CREB3L1: variants seen among roughly 807,000 people sequenced by gnomAD.
CREB3L1 encodes cyclic AMP-responsive element-binding protein 3-like protein 1.
Under a neutral mutation model 54.5 loss-of-function variants are expected in CREB3L1, and 33 were observed. The observed-to-expected ratio is 0.61, with a 90% CI of 0.46 to 0.81. The LOEUF is 0.81. Among genes scored for constraint, CREB3L1 ranks in the 30% least tolerant of loss-of-function variants. CREB3L1 has a pLI of 0.00. For missense variants in CREB3L1, 656 were observed against 673.3 expected (o/e 0.97, Z 0.29); for synonymous variants, 284 against 286.4 (o/e 0.99, Z 0.08).
intron 1 of CREB3L1, among the ~76,000 whole-genome samples, chr11:46,291,640 C>G (rs1939132435): frequency 6.6e-6 from 1 of 152,116 alleles, no homozygotes; most frequent in Non-Finnish European, 1.5e-5. Context: ...TCAAGAAGGG[C>G]AAGGGCAAGC....
chr11:46,304,111 T>C (rs1939340776), intron 2 of CREB3L1, among the ~76,000 whole-genome samples: 1 of 152,254 alleles, frequency 6.6e-6, no homozygotes, highest in Admixed American at 6.5e-5. Flanking sequence ...AGTGAATTTC[T>C]TAATTTTCTC....
At position 46,278,459 on chromosome 11, in the gene CREB3L1, C is replaced by A. The variant is rs1432283445; in HGVS notation, c.102+246C>A. Among the ~76,000 whole-genome samples, 1 of 152,220 alleles carries A rather than the reference C, an allele frequency of 6.6e-6. No individual in the cohort carries two copies. The highest frequency in any genetic ancestry group is 2.4e-5 in the African/African-American group (1 of 41,454). On this transcript the variant is annotated intron_variant, in intron 1 of 11. Transcript: ENST00000621158. The surrounding 1 kb of genome is among the most constrained non-coding windows in gnomAD (Gnocchi z 4.2). ...CGAGGTATCGGGTCCGTCCGATCCT[C>A]GGATCTGAGCTCAAGAGACACCAAT...
rs980782395 is a variant in CREB3L1 at position 46,316,477 on chromosome 11, G to A, written c.1131+92G>A. 7.2e-6 allele frequency: 6 copies of A among 833,752 alleles called. 1 individual carries two copies. Among genetic ancestry groups the A allele is most frequent in the Admixed American group, 7.0e-5 (3 of 42,586 alleles). The allele number at this position is 833,752 out of a possible 1,614,324, so 51.6% of individuals were successfully genotyped here. On this transcript the variant is annotated intron_variant, in intron 9 of 11. Transcript: ENST00000621158. ...GGGTTGGGCAGAGCTTTAAGGATCG[G>A]TAACATCGTGGGCAGCGTCCCAGGG...
rs529633529 is a variant in CREB3L1 at position 46,300,068 on chromosome 11, C to T, written c.236C>T (p.Thr79Met). 1.8e-4 allele frequency: 297 copies of T among 1,613,936 alleles called. 1 individual carries two copies. Among genetic ancestry groups the T allele is most frequent in the South Asian group, 1.7e-3 (156 of 91,066 alleles). Residue 79 changes from threonine (T) to methionine (M), a missense_variant, in exon 2 of 12, where the codon ACG becomes ATG. Physicochemically the swap from Thr to Met is moderately conservative, Grantham distance 81 (BLOSUM62 -1). This residue lies in a region of CREB3L1 where 339 missense variants were observed against 331.5 expected (regional missense o/e 1.02). Coordinates refer to ENST00000621158, the MANE Select transcript of CREB3L1 (RefSeq NM_052854.4). Reference sequence around the variant, plus strand: ...TTGGACATGGAACTGGACTCCCCTACGCCAGGCATCCAGGCGGAGCACAGC... The same window carrying T: ...TTGGACATGGAACTGGACTCCCCTATGCCAGGCATCCAGGCGGAGCACAGC... ...PLLDMELDSP[T>M]PGIQAEHSYS...
chr11:46,302,085 G>A (rs543622306), intron 2 of CREB3L1, among the ~76,000 whole-genome samples: 2 of 149,614 alleles, frequency 1.3e-5, no homozygotes, highest in Non-Finnish European at 1.5e-5. Flanking sequence ...AGAGAATGGC[G>A]TGAACCTGGG....
intron 1 of CREB3L1, among the ~76,000 whole-genome samples, chr11:46,287,840 T>C (rs1281698910): frequency 6.6e-6 from 1 of 151,614 alleles, no homozygotes; most frequent in African/African-American, 2.4e-5. Flanking sequence ...GCCGGGCGTG[T>C]TGGTGTGCAC....
chr11:46,291,522 CCATTGAACTG>C (rs1939130017), intron 1 of CREB3L1, among the ~76,000 whole-genome samples: 1 of 152,198 alleles, frequency 6.6e-6, no homozygotes, highest in Non-Finnish European at 1.5e-5. Flanking sequence ...TTGCTTATAA[CCATTGAACTG>C]CTTTGCCTCT....
rs1420803600 is a variant in CREB3L1 at position 46,283,980 on chromosome 11, C to A, written c.102+5767C>A. Among the ~76,000 whole-genome samples, 2 of 152,154 alleles carry A rather than the reference C, an allele frequency of 1.3e-5. 1 individual carries two copies. The highest frequency in any genetic ancestry group is 4.8e-5 in the African/African-American group (2 of 41,438). ...GCCATCCCTTAGGGTGGTGGGGATG[C>A]TGGGTCCCACAGAAGTGCTGTCTGT... On this transcript the variant is annotated intron_variant, in intron 1 of 11. Transcript: ENST00000621158.
Position 46,293,828 on chromosome 11 carries a change from T to G in CREB3L1, c.103-6107T>G, listed in dbSNP as rs1355846281. ...GTGTGACAGCGAGTATGCGTGACCA[T>G]GTCTGTGTGATCCTGTGTCTGGGGT... On this transcript the variant is annotated intron_variant, in intron 1 of 11. Transcript: ENST00000621158. Among the ~76,000 whole-genome samples, 6 of 152,200 alleles carry G rather than the reference T, an allele frequency of 3.9e-5. No individual in the cohort carries two copies. The East Asian group carries it at 1.2e-3, about 29-fold the overall frequency.
chr11:46,320,711 G>T lies in CREB3L1; in HGVS notation c.1525G>T (p.Asp509Tyr). The stretch of plus-strand genomic sequence containing the variant: ...CGCTGGCCTCTCTTCTCTCTCCAGG[G>T]ATCTGGGCCCCAACACCACCATCAA... ...SHSKEWFHDR[D>Y]LGPNTTIKLS The change falls in exon 12 of 12, where the codon GAT (aspartate) becomes TAT (tyrosine). Residue 509 changes from aspartate to tyrosine, a missense_variant and splice_region_variant. Asp to Tyr is a radical substitution (Grantham distance 160). Coordinates refer to ENST00000621158, the MANE Select transcript of CREB3L1 (RefSeq NM_052854.4). The T allele has an allele frequency of 6.2e-7, 1 of 1,611,896 alleles. No homozygotes were observed. Among genetic ancestry groups the T allele is most frequent in the South Asian group, 1.1e-5 (1 of 90,430 alleles).
intron 1 of CREB3L1, among the ~76,000 whole-genome samples, chr11:46,287,455 T>C (rs2136336837): frequency 6.6e-6 from 1 of 152,100 alleles, no homozygotes; most frequent in South Asian, 2.1e-4. Flanking sequence ...CATACCACCA[T>C]GTCTGGCTAA....
chr11:46,311,058 C>T lies in CREB3L1; in HGVS notation c.622C>T (p.Pro208Ser), dbSNP rs1939477391. 2 of 1,606,204 alleles carry T rather than the reference C, an allele frequency of 1.2e-6. No individual in the cohort carries two copies. Among genetic ancestry groups the T allele is most frequent in the Non-Finnish European group, 1.7e-6 (2 of 1,176,592 alleles). ...GGACCTGGTGCAGATGCCTCCGACG[C>T]CCCCCAGCAGCCATGGCAGTGACAG... ...PEDLVQMPPT[P>S]PSSHGSDSDG... Residue 208 changes from proline to serine, a missense_variant, in exon 5 of 12, where the codon CCC becomes TCC. Physicochemically the swap from Pro to Ser is moderately conservative, Grantham distance 74. This residue lies in a region of CREB3L1 where 339 missense variants were observed against 331.5 expected (regional missense o/e 1.02). Transcript: ENST00000621158.
chr11:46,287,020 A>G (rs142906697), intron 1 of CREB3L1, among the ~76,000 whole-genome samples: 137 of 152,300 alleles, frequency 9.0e-4, no homozygotes, highest in Middle Eastern at 3.4e-3. Flanking sequence ...GTGGGTCCAC[A>G]GGTCAGATGG....
chr11:46,308,052 G>T, intron 3 of CREB3L1, 52 bp downstream of exon 3: 4 of 1,429,700 alleles, frequency 2.8e-6, no homozygotes, highest in Non-Finnish European at 3.7e-6. Context: ...GGGCTGGTGG[G>T]TCTGTGGGAA....
Position 46,295,469 on chromosome 11 carries a change from T to G in CREB3L1, c.103-4466T>G, listed in dbSNP as rs1401608927. On this transcript the variant is annotated intron_variant, in intron 1 of 11. Transcript: ENST00000621158. The surrounding 1 kb of genome is among the most constrained non-coding windows in gnomAD (Gnocchi z 4.6). Reference sequence around the variant, plus strand: ...CGGGGCCGCGCTACTGATGAGGGGTTTAGGACACCGTGAGACGGCCAGGCC... The same window carrying G: ...CGGGGCCGCGCTACTGATGAGGGGTGTAGGACACCGTGAGACGGCCAGGCC... 1 of 152,246 alleles carries G rather than the reference T, an allele frequency of 6.6e-6. No homozygotes were observed. The highest frequency in any genetic ancestry group is 1.5e-5 in the Non-Finnish European group (1 of 68,104). 9.4% of individuals were successfully genotyped at this position (152,246 alleles called of 1,614,324 possible). A position where few individuals can be genotyped will look rare whatever the true frequency, so the allele number is the denominator to read the frequency against.
At chr11:46,302,357 C>T (rs1235596838) in intron 2 of CREB3L1, among the ~76,000 whole-genome samples, 1 of 151,986 alleles carries the variant, frequency 6.6e-6, no homozygotes, top group Non-Finnish European at 1.5e-5. Flanking sequence ...CCCCTAACTC[C>T]ATCCTTTAAA....
chr11:46,308,740 G>A (rs1055844739), intron 3 of CREB3L1, among the ~76,000 whole-genome samples: 1 of 152,220 alleles, frequency 6.6e-6, no homozygotes. Flanking sequence ...CTGGCCACAC[G>A]GCTCACTTGC....
chr11:46,310,568 T>C (rs559689450), intron 4 of CREB3L1, among the ~76,000 whole-genome samples: 30 of 151,984 alleles, frequency 2.0e-4, no homozygotes, highest in Non-Finnish European at 4.3e-4. Context: ...GCACCCAGCC[T>C]TCGTCCAGTC....
At position 46,295,565 on chromosome 11, in the gene CREB3L1, A is replaced by G. The variant is rs1213946639; in HGVS notation, c.103-4370A>G. Among the ~76,000 whole-genome samples, 2 of 152,180 alleles carry G rather than the reference A, an allele frequency of 1.3e-5. No individual in the cohort carries two copies. Among genetic ancestry groups the G allele is most frequent in the African/African-American group, 4.8e-5 (2 of 41,446 alleles). ...GAGCCAGTGCACCCTGCGCTCCCTC[A>G]GCCGCGGGCCGTCGGCGCAGGCCGG... On this transcript the variant is annotated intron_variant, in intron 1 of 11. Coordinates refer to ENST00000621158, the MANE Select transcript of CREB3L1 (RefSeq NM_052854.4). This position sits in a 1 kb window ranked among gnomAD's most constrained non-coding sequence, Gnocchi z 4.6.
Sources: allele counts gnomAD v4.1 joint callset (sites outside exome capture counted in the v4.1 genomes callset), GRCh38; gene constraint gnomAD v4.1.1; regional missense constraint gnomAD v4.1.1; non-coding constraint Gnocchi (gnomAD v3.1); transcripts MANE v1.5; gene names NCBI Gene and HGNC (gene_info 2026-07-23, HGNC 2026-07-21).